IFT122: variants seen among roughly 807,000 people sequenced by gnomAD.
IFT122 encodes the protein intraflagellar transport protein 122 homolog.
In IFT122, 118 loss-of-function variants were observed where a neutral mutation model predicts 161.6. The ratio of observed to expected loss-of-function variants is 0.73; its 90% CI spans 0.63 to 0.85. IFT122 has a LOEUF of 0.85. Ranked by LOEUF, IFT122 falls within the 40% of genes least tolerant of loss-of-function variation. The pLI is 0.00. For missense variants in IFT122, 1,381 were observed against 1,579.6 expected (o/e 0.87, Z 2.13); for synonymous variants, 550 against 602.4 (o/e 0.91, Z 1.27).
Position 129,458,657 on chromosome 3 carries a change from G to A in IFT122, c.252G>A (p.Leu84=). 6.8e-6 allele frequency: 11 copies of A among 1,613,496 alleles called. No individual in the cohort carries two copies. Among genetic ancestry groups the A allele is most frequent in the Non-Finnish European group, 9.3e-6 (11 of 1,179,448 alleles). The change falls in exon 4 of 30, where the codon CTG becomes CTA. Residue 84 remains leucine, a synonymous_variant. Coordinates refer to ENST00000348417, the MANE Select transcript of IFT122 (RefSeq NM_052989.3). The part of the protein sequence containing the change: ...DKSVIIWTSK[L]EGILKYTHND... ...GCGTTATTATCTGGACATCAAAACT[G>A]GAAGGCATTCTGAAGTACACGTAAG...
chr3:129,481,233 T>C, intron 13 of IFT122: 1 of 395,232 alleles, frequency 2.5e-6, no homozygotes, highest in Non-Finnish European at 4.9e-6. Context: ...AAAGCTGCAG[T>C]TTGGGTAATG....
At chr3:129,508,847 C>T (rs1439986641) in intron 23 of IFT122, among the ~76,000 whole-genome samples, 4 of 152,148 alleles carry the variant, frequency 2.6e-5, no homozygotes, top group Non-Finnish European at 5.9e-5. Flanking sequence ...GTGTGATGTG[C>T]AGTCAGGTGG....
intron 1 of IFT122, among the ~76,000 whole-genome samples, chr3:129,445,205 C>T (rs1422280912): frequency 6.6e-6 from 1 of 152,058 alleles, no homozygotes; most frequent in East Asian, 1.9e-4. Context: ...AGGCACCTGT[C>T]ATCCCAGCTA....
intron 12 of IFT122, among the ~76,000 whole-genome samples, chr3:129,478,668 A>G (rs898691604): frequency 6.6e-6 from 1 of 151,774 alleles, no homozygotes; most frequent in African/African-American, 2.4e-5. Context: ...GGCGGGAGGA[A>G]TGCTTGAACC....
intron 1 of IFT122, among the ~76,000 whole-genome samples, chr3:129,441,072 T>C (rs939527197): frequency 2.0e-5 from 3 of 152,238 alleles, no homozygotes; most frequent in Admixed American, 2.0e-4. Context: ...GGAATGACTT[T>C]GTCACCTTTT....
rs1269099742 is a variant in IFT122, at chr3:129,519,258, CAGCT to C, written c.3471+76_3471+79del. ...CTTCTCCTGTGCACATGGGGACCCT[CAGCT>C]AGCGCAGTGGTGGAGGAGGATTGGC... is the stretch of plus-strand genomic sequence containing the variant. On this transcript the variant is annotated intron_variant, in intron 28 of 29. Transcript: ENST00000348417. 1.3e-5 allele frequency: 18 copies of C among 1,335,178 alleles called. No homozygotes were observed. The Admixed American group carries it at 1.9e-4, about 14-fold the overall frequency. The allele number at this position is 1,335,178 out of a possible 1,614,324, so 82.7% of individuals were successfully genotyped here.
intron 11 of IFT122, among the ~76,000 whole-genome samples, chr3:129,477,181 T>G (rs1053948592): frequency 1.3e-5 from 2 of 152,162 alleles, no homozygotes; most frequent in East Asian, 1.9e-4. Flanking sequence ...TCTGGGGTGC[T>G]TCTCCCTCAG....
At chr3:129,461,480 G>A in intron 5 of IFT122, 176 bp downstream of exon 5, 1 of 665,568 alleles carries the variant, frequency 1.5e-6, no homozygotes, top group Non-Finnish European at 2.7e-6. Context: ...AACCAAGACA[G>A]TGAATGGTGA....
chr3:129,476,811 A>T lies in IFT122; in HGVS notation c.1147+10A>T, dbSNP rs750848733. The T allele has an allele frequency of 2.4e-5, 38 of 1,614,020 alleles. No homozygotes were observed. Among genetic ancestry groups the T allele is most frequent in the Non-Finnish European group, 3.2e-5 (38 of 1,180,040 alleles). On this transcript the variant is annotated intron_variant, in intron 11 of 29. Transcript: ENST00000348417. ...ATCACTGAGCAGAAAGGTAAGAGGC[A>T]GGTCCAGACCTTGGGAAGAGGGACA...
intron 24 of IFT122, 164 bp downstream of exon 24, chr3:129,512,576 C>T (rs1314227728): frequency 1.0e-5 from 7 of 670,114 alleles, no homozygotes; most frequent in South Asian, 3.3e-5. Flanking sequence ...AGAGGCTCAG[C>T]AGGGAGGCCC....
intron 17 of IFT122, among the ~76,000 whole-genome samples, 177 bp from the exon 18 acceptor site, chr3:129,495,269 T>C (rs2080698022): frequency 6.6e-6 from 1 of 152,218 alleles, no homozygotes; most frequent in Admixed American, 6.5e-5. Context: ...AGCCTGCTTT[T>C]GTTGTCAAGC....
In IFT122 at chr3:129,497,434, A is replaced by G. The variant is rs2081006245; in HGVS notation, c.2208+1827A>G. Among the ~76,000 whole-genome samples, 4 of 152,206 alleles carry G rather than the reference A, an allele frequency of 2.6e-5. No homozygotes were observed. The South Asian group carries it at 8.3e-4, about 32-fold the overall frequency. On this transcript the variant is annotated intron_variant, in intron 18 of 29. Coordinates refer to ENST00000348417, the MANE Select transcript of IFT122 (RefSeq NM_052989.3). ...TTAGTCATGAGATTTGCACAGAATA[A>G]TGTATAGGAAAGCGCATTAGAAATG...
At chr3:129,452,769 C>T (rs1425869800) in intron 3 of IFT122, among the ~76,000 whole-genome samples, 1 of 152,150 alleles carries the variant, frequency 6.6e-6, no homozygotes, top group Non-Finnish European at 1.5e-5. Flanking sequence ...AAAAGGATCC[C>T]TCTAGTTGCT....
rs765459017 is a variant in IFT122 at position 129,506,417 on chromosome 3, A to G, written c.2659A>G (p.Lys887Glu). The change falls in exon 22 of 30, where the codon AAG becomes GAG. Residue 887 changes from lysine to glutamate, a missense_variant. By Grantham distance (56) the Lys-to-Glu change is moderately conservative. This residue lies in a region of IFT122 where 496 missense variants were observed against 502.5 expected (regional missense o/e 0.99). Coordinates refer to ENST00000348417, the MANE Select transcript of IFT122 (RefSeq NM_052989.3). ...CTCCACCACTCCTACAGCGTTCCAC[A>G]AGGCTGGGCGACAGAGAGAAGCGGT... ...RFEEAQKAFH[K>E]AGRQREAVQV... is the part of the protein sequence containing the mutation. 7 of 1,614,016 alleles carry G rather than the reference A, an allele frequency of 4.3e-6. No homozygotes were observed. The Admixed American group carries it at 6.7e-5, about 15-fold the overall frequency.
chr3:129,445,044 G>A (rs529648393), intron 1 of IFT122, among the ~76,000 whole-genome samples: 1 of 152,272 alleles, frequency 6.6e-6, no homozygotes, highest in East Asian at 1.9e-4. Flanking sequence ...CTGGGTTTGA[G>A]GCCGGATGCA....
chr3:129,443,508 TGGG>T (rs1378807691), intron 1 of IFT122, among the ~76,000 whole-genome samples: 1 of 152,246 alleles, frequency 6.6e-6, no homozygotes, highest in African/African-American at 2.4e-5. Flanking sequence ...CTTGCCCTGA[TGGG>T]CCAGATGGAC....
At chr3:129,453,967 A>G (rs2075149906) in intron 3 of IFT122, among the ~76,000 whole-genome samples, 1 of 152,172 alleles carries the variant, frequency 6.6e-6, no homozygotes, top group South Asian at 2.1e-4. Context: ...TATCAAATGG[A>G]TAACATTGAG....
At chr3:129,457,704 C>T (rs1376427789) in intron 3 of IFT122, among the ~76,000 whole-genome samples, 2 of 149,868 alleles carry the variant, frequency 1.3e-5, no homozygotes, top group Admixed American at 6.7e-5. Context: ...TTAATAATAG[C>T]GTATATTTCA....
rs1238519257 is a variant in IFT122, at chr3:129,440,317, TAAGGG to T, written c.-10_-6del. On this transcript the variant is annotated 5_prime_UTR_variant, in exon 1 of 30. Coordinates refer to ENST00000348417, the MANE Select transcript of IFT122 (RefSeq NM_052989.3). ...AGGCGGGTAGGAGGAGCCCGAGCCG[TAAGGG>T]AAGCCGTGATGAGGGCCGTGTTGAC... 9.7e-6 allele frequency: 15 copies of T among 1,550,398 alleles called. 2 individuals are homozygous for T. Among genetic ancestry groups the T allele is most frequent in the Middle Eastern group, 3.7e-4 (2 of 5,346 alleles).
Sources: gnomAD v4.1 joint callset for allele counts (sites outside exome capture counted in the v4.1 genomes callset) on GRCh38, gnomAD v4.1.1 for gene constraint, gnomAD v4.1.1 regional missense constraint, MANE v1.5 for transcripts, NCBI Gene and HGNC (gene_info 2026-07-23, HGNC 2026-07-21) for gene names.